Variants in SHCBP1 observed in about 807,000 individuals in gnomAD.
SHCBP1 encodes the protein SHC SH2 domain-binding protein 1.
A neutral mutation model predicts 75.1 loss-of-function variants in SHCBP1; 60 were observed. The observed-to-expected ratio is 0.80, with a 90% CI of 0.65 to 0.99. The LOEUF (loss-of-function observed/expected upper bound fraction) is 0.99. SHCBP1 is among the 50% of genes least tolerant of loss of function. The pLI is 0.00. For synonymous variants in SHCBP1, 290 were observed against 293.2 expected (o/e 0.99, Z 0.11); for missense variants, 709 against 809.4 (o/e 0.88, Z 1.50).
chr16:46,584,157 A>G, intron 10 of SHCBP1, 68 bp from the exon 11 acceptor site: 1 of 1,146,530 alleles, frequency 8.7e-7, no homozygotes, highest in Non-Finnish European at 1.3e-6. Context: ...GTTTATTACA[A>G]TTACTTCTTA....
chr16:46,592,127 A>C (rs1284611896), intron 10 of SHCBP1, among the ~76,000 whole-genome samples: 5 of 152,062 alleles, frequency 3.3e-5, no homozygotes, highest in Non-Finnish European at 5.9e-5. Flanking sequence ...TAAAAATTAA[A>C]ATTAAATCTA....
chr16:46,617,810 A>G, intron 2 of SHCBP1, 61 bp from the exon 3 acceptor site: 1 of 1,272,042 alleles, frequency 7.9e-7, no homozygotes, highest in South Asian at 1.2e-5. Context: ...AAGTTAATAA[A>G]TCCACTTTCT....
chr16:46,587,635 C>T (rs565193946), intron 10 of SHCBP1, among the ~76,000 whole-genome samples: 117 of 152,202 alleles, frequency 7.7e-4, no homozygotes, highest in African/African-American at 2.7e-3. Context: ...TATATATGCA[C>T]CCAATACAGG....
In SHCBP1 at chr16:46,595,512, T is replaced by G. The variant is rs773847251; in HGVS notation, c.1464+40A>C. ...ATATTTCATATATTCATTTACAACT[T>G]AAACACAAACTACTTCCCCAAGAGG... On this transcript the variant is annotated intron_variant, in intron 10 of 12. Coordinates refer to ENST00000303383, the MANE Select transcript of SHCBP1 (RefSeq NM_024745.5). 2.7e-6 allele frequency: 4 copies of G among 1,498,448 alleles called. No homozygotes were observed. In the East Asian group the frequency reaches 6.8e-5, roughly 25 times the overall value. 92.8% of individuals were successfully genotyped at this position (1,498,448 alleles called of 1,614,324 possible). A position where few individuals can be genotyped will look rare whatever the true frequency, so the allele number is the denominator to read the frequency against.
At position 46,616,953 on chromosome 16, in the gene SHCBP1, T is replaced by C. The variant is rs527694731; in HGVS notation, c.387+681A>G. Among the ~76,000 whole-genome samples, 1 of 152,324 alleles carries C rather than the reference T, an allele frequency of 6.6e-6. No homozygotes were observed. Among genetic ancestry groups the C allele is most frequent in the Admixed American group, 6.5e-5 (1 of 15,302 alleles). On this transcript the variant is annotated intron_variant, in intron 3 of 12. Coordinates refer to ENST00000303383, the MANE Select transcript of SHCBP1 (RefSeq NM_024745.5). This position sits in a 1 kb window ranked among gnomAD's most constrained non-coding sequence, Gnocchi z 4.4. ...ATCACTGTAGTATGTGATGCCATTT[T>C]CTAAGGGAGCTGCAGCAACAACTTG...
At chr16:46,589,035 G>A (rs894667594) in intron 10 of SHCBP1, among the ~76,000 whole-genome samples, 15 of 151,482 alleles carry the variant, frequency 9.9e-5, no homozygotes, top group African/African-American at 3.2e-4. Context: ...ATCAATAAAC[G>A]TAATCCATCA....
chr16:46,621,320 C>G lies in SHCBP1; in HGVS notation c.40G>C (p.Ala14Pro), dbSNP rs1472538193. Residue 14 changes from alanine (A) to proline (P), a missense_variant, in exon 1 of 13, where the codon GCG becomes CCG. Ala to Pro is a conservative substitution (Grantham distance 27, BLOSUM62 -1). Coordinates refer to ENST00000303383, the MANE Select transcript of SHCBP1 (RefSeq NM_024745.5). Reference sequence around the variant, plus strand: ...CCCATGCGCTCCGGCGCCATGGCCGCTGCCTCCAGACCGCCGCCCGTCAGC... The same window carrying G: ...CCCATGCGCTCCGGCGCCATGGCCGGTGCCTCCAGACCGCCGCCCGTCAGC... ...GSLTGGGLEA[A>P]AMAPERMGWA... 6.2e-7 allele frequency: 1 copy of G among 1,611,436 alleles called. No individual in the cohort carries two copies. The highest frequency in any genetic ancestry group is 8.5e-7 in the Non-Finnish European group (1 of 1,179,342).
chr16:46,591,638 C>T (rs141480313), intron 10 of SHCBP1, among the ~76,000 whole-genome samples: 54 of 152,018 alleles, frequency 3.6e-4, no homozygotes, highest in Middle Eastern at 3.4e-3. Flanking sequence ...GAACTCAACA[C>T]CACCAACCAA....
At chr16:46,596,507 C>T (rs1180099518) in intron 9 of SHCBP1, among the ~76,000 whole-genome samples, 2 of 151,492 alleles carry the variant, frequency 1.3e-5, no homozygotes, top group Non-Finnish European at 2.9e-5. Context: ...ACCTCTGCCT[C>T]TTGGTTTCAA....
chr16:46,618,473 A>G, intron 1 of SHCBP1, 101 bp from the exon 2 acceptor site: 1 of 1,277,782 alleles, frequency 7.8e-7, no homozygotes, highest in Non-Finnish European at 1.0e-6. Context: ...ACAAACAAGA[A>G]TTTGAATATG....
In SHCBP1 at chr16:46,604,014, C is replaced by A. The variant is rs1254704041; in HGVS notation, c.1053G>T (p.Arg351Ser). 5 of 1,613,772 alleles carry A rather than the reference C, an allele frequency of 3.1e-6. No individual in the cohort carries two copies. Among genetic ancestry groups the A allele is most frequent in the Middle Eastern group, 1.6e-4 (1 of 6,084 alleles). Residue 351 changes from arginine (R) to serine (S), a missense_variant, in exon 7 of 13, where the codon AGG becomes AGT. Physicochemically the swap from Arg to Ser is moderately radical, Grantham distance 110. Transcript: ENST00000303383. ...AGLLRSLLTDRLCQEPGEEER... is the reference protein window; with the variant it reads ...AGLLRSLLTDSLCQEPGEEER... ...CTTCCTCACCAGGCTCCTGGCAAAGCCTGTCCGTAAGCAGGGACCGCAGGA... is the reference window on the plus strand; with the variant it reads ...CTTCCTCACCAGGCTCCTGGCAAAGACTGTCCGTAAGCAGGGACCGCAGGA...
At chr16:46,619,152 T>C (rs917788822) in intron 1 of SHCBP1, among the ~76,000 whole-genome samples, 3 of 152,156 alleles carry the variant, frequency 2.0e-5, no homozygotes, top group Non-Finnish European at 2.9e-5. Context: ...GCAAATCACA[T>C]TAGGTTTGGG....
intron 10 of SHCBP1, among the ~76,000 whole-genome samples, chr16:46,587,806 A>G (rs908848764): frequency 6.6e-6 from 1 of 152,186 alleles, no homozygotes; most frequent in Non-Finnish European, 1.5e-5. Context: ...GCTCTGCACC[A>G]AGCGGACCTA....
intron 10 of SHCBP1, among the ~76,000 whole-genome samples, chr16:46,586,611 T>C (rs188758863): frequency 1.5e-4 from 23 of 152,314 alleles, no homozygotes; most frequent in Admixed American, 5.2e-4. Context: ...TTCAAGAAGC[T>C]GAGCAGACAC....
In SHCBP1 at chr16:46,616,689, G is replaced by A. The variant is rs1252445529; in HGVS notation, c.388-535C>T. On this transcript the variant is annotated intron_variant, in intron 3 of 12. Coordinates refer to ENST00000303383, the MANE Select transcript of SHCBP1 (RefSeq NM_024745.5). This position sits in a 1 kb window ranked among gnomAD's most constrained non-coding sequence, Gnocchi z 4.4. Reference sequence around the variant, plus strand: ...GGATTTTAAGTGTTTTCTATACAATGAGAAGCCATAAAGCCAACACTAAGC... The same window carrying A: ...GGATTTTAAGTGTTTTCTATACAATAAGAAGCCATAAAGCCAACACTAAGC... Among the ~76,000 whole-genome samples the A allele has an allele frequency of 6.6e-6, 1 of 152,176 alleles. No homozygotes were observed. The highest frequency in any genetic ancestry group is 1.5e-5 in the Non-Finnish European group (1 of 68,038).
intron 10 of SHCBP1, among the ~76,000 whole-genome samples, chr16:46,589,571 A>G (rs188191204): frequency 4.3e-4 from 66 of 152,352 alleles, no homozygotes; most frequent in Non-Finnish European, 7.3e-4. Flanking sequence ...ACTCCCATTC[A>G]AAATTGCTTC....
At position 46,584,504 on chromosome 16, in the gene SHCBP1, AG is replaced by A. The variant is rs200735001; in HGVS notation, c.1465-416del. 8.9e-4 allele frequency among the ~76,000 whole-genome samples: 136 copies of A among 152,316 alleles called. 1 individual carries two copies. The East Asian group carries it at 0.025, about 28-fold the overall frequency. On this transcript the variant is annotated intron_variant, in intron 10 of 12. Transcript: ENST00000303383. The stretch of plus-strand genomic sequence containing the variant: ...TAGTTGGAGATAAGTATTTGAATTT[AG>A]TAAAATATTGTAATTTGAGGATAGA...
intron 4 of SHCBP1, among the ~76,000 whole-genome samples, chr16:46,610,805 C>T (rs1401893324): frequency 1.2e-4 from 18 of 151,732 alleles, no homozygotes; most frequent in Non-Finnish European, 1.5e-5. Context: ...ATGATCCGCC[C>T]ACCTTGGCCT....
intron 5 of SHCBP1, among the ~76,000 whole-genome samples, chr16:46,607,089 G>A (rs576414252): frequency 1.4e-4 from 21 of 152,090 alleles, no homozygotes; most frequent in South Asian, 6.2e-4. Flanking sequence ...GCACGGTGGC[G>A]CAGTCCTGTA....
Sources: gnomAD v4.1 joint callset for allele counts (sites outside exome capture counted in the v4.1 genomes callset) on GRCh38, gnomAD v4.1.1 for gene constraint, Gnocchi (gnomAD v3.1) non-coding constraint, MANE v1.5 for transcripts, NCBI Gene and HGNC (gene_info 2026-07-23, HGNC 2026-07-21) for gene names.